The following PTPRT variants were observed in gnomAD, a reference collection of about 807,000 sequenced individuals.
The protein encoded by PTPRT is receptor-type tyrosine-protein phosphatase T.
A neutral mutation model predicts 176.8 loss-of-function variants in PTPRT; 56 were observed. The ratio of observed to expected loss-of-function variants is 0.32; its 90% CI spans 0.26 to 0.40. The LOEUF is 0.40. PTPRT is among the 10% of genes least tolerant of loss of function. The probability of loss-of-function intolerance (pLI) is 1.00; values close to 1 mark genes in which losing one functional copy is unlikely to be tolerated. For missense variants in PTPRT, 1,540 were observed against 1,908.2 expected, an observed-to-expected ratio of 0.81 and a Z score of 3.60; for synonymous variants, 783 against 739.0, an observed-to-expected ratio of 1.06 and a Z score of -0.96.
At chr20:42,970,096 C>A (rs1982535968) in intron 1 of PTPRT, among the ~76,000 whole-genome samples, 1 of 152,146 alleles carries the variant, frequency 6.6e-6, no homozygotes, top group Non-Finnish European at 1.5e-5. Context: ...TTGACAAATG[C>A]CCCTGCTAGC....
At chr20:43,046,232 G>C (rs894788769) in intron 1 of PTPRT, among the ~76,000 whole-genome samples, 3 of 152,032 alleles carry the variant, frequency 2.0e-5, no homozygotes, top group Admixed American at 6.5e-5. Flanking sequence ...GGCACTCAGG[G>C]ACCCAGACTA....
At chr20:42,671,697 T>C (rs898802507) in intron 7 of PTPRT, among the ~76,000 whole-genome samples, 2 of 152,204 alleles carry the variant, frequency 1.3e-5, no homozygotes, top group African/African-American at 4.8e-5. Context: ...TATAGGCAGC[T>C]AAAGAACATT....
intron 1 of PTPRT, among the ~76,000 whole-genome samples, chr20:43,071,083 G>A (rs1211456872): frequency 2.0e-5 from 3 of 152,016 alleles, no homozygotes; most frequent in African/African-American, 7.2e-5. Context: ...CAAAGGCAAG[G>A]CAAGGAGGGA....
intron 6 of PTPRT, among the ~76,000 whole-genome samples, chr20:42,718,952 C>T (rs978681582): frequency 1.3e-5 from 2 of 152,142 alleles, no homozygotes; most frequent in Non-Finnish European, 2.9e-5. Flanking sequence ...GATACATAGT[C>T]AAGAAATATT....
At chr20:42,186,744 G>T (rs976380049) in intron 16 of PTPRT, among the ~76,000 whole-genome samples, 6 of 152,086 alleles carry the variant, frequency 3.9e-5, no homozygotes, top group Non-Finnish European at 8.8e-5. Context: ...ATAGACTACA[G>T]AATGACACGG....
At chr20:42,626,689 C>T (rs1425827359) in intron 7 of PTPRT, among the ~76,000 whole-genome samples, 1 of 152,022 alleles carries the variant, frequency 6.6e-6, no homozygotes, top group African/African-American at 2.4e-5. Context: ...GAGAAACGGG[C>T]CCCCTGGGAG....
intron 2 of PTPRT, among the ~76,000 whole-genome samples, chr20:42,864,924 G>A (rs191888586): frequency 3.3e-5 from 5 of 152,310 alleles, no homozygotes; most frequent in Admixed American, 3.3e-4. Flanking sequence ...CAATCAGCAT[G>A]GAGTGTTAAA....
intron 4 of PTPRT, among the ~76,000 whole-genome samples, chr20:42,779,711 A>C (rs1423275588): frequency 6.6e-6 from 1 of 152,190 alleles, no homozygotes; most frequent in African/African-American, 2.4e-5. Context: ...ATAAGTACTA[A>C]CCACTATGAG....
intron 7 of PTPRT, among the ~76,000 whole-genome samples, chr20:42,667,457 T>A (rs2075335953): frequency 6.6e-6 from 1 of 152,234 alleles, no homozygotes; most frequent in Non-Finnish European, 1.5e-5. Flanking sequence ...TCATACACTT[T>A]CTTTACATTG....
chr20:42,149,095 G>T (rs1989008678), intron 17 of PTPRT, among the ~76,000 whole-genome samples: 1 of 152,174 alleles, frequency 6.6e-6, no homozygotes, highest in Non-Finnish European at 1.5e-5. Context: ...AACCCAACTT[G>T]TTCACCTCCA....
At chr20:42,087,764 T>G (rs1984135572) in intron 27 of PTPRT, among the ~76,000 whole-genome samples, 1 of 149,028 alleles carries the variant, frequency 6.7e-6, no homozygotes, top group Non-Finnish European at 1.5e-5. Context: ...TCCCAGCTAC[T>G]CAGGAGGCTG....
At chr20:43,051,960 A>G (rs944866018) in intron 1 of PTPRT, among the ~76,000 whole-genome samples, 1 of 152,254 alleles carries the variant, frequency 6.6e-6, no homozygotes, top group Non-Finnish European at 1.5e-5. Flanking sequence ...CTAAACTTTT[A>G]AAGGTAATTT....
At chr20:42,730,228 G>T (rs558622464) in intron 6 of PTPRT, among the ~76,000 whole-genome samples, 3 of 152,286 alleles carry the variant, frequency 2.0e-5, no homozygotes, top group African/African-American at 7.2e-5. Context: ...ATTTCTCCAG[G>T]AGGGTGCTCT....
chr20:42,349,986 T>TA (rs767611509), intron 11 of PTPRT, among the ~76,000 whole-genome samples: 1 of 152,184 alleles, frequency 6.6e-6, no homozygotes, highest in African/African-American at 2.4e-5. Context: ...CCTACAGCCT[T>TA]AAACTGGACC....
chr20:43,174,359 A>C (rs993304799), intron 1 of PTPRT, among the ~76,000 whole-genome samples: 1 of 152,236 alleles, frequency 6.6e-6, no homozygotes, highest in African/African-American at 2.4e-5. Context: ...AGTGATAATT[A>C]GTAAAACCCT....
At chr20:42,613,659 T>C (rs1299364969) in intron 7 of PTPRT, among the ~76,000 whole-genome samples, 2 of 152,200 alleles carry the variant, frequency 1.3e-5, no homozygotes, top group Admixed American at 6.5e-5. Context: ...TACAGGGAAA[T>C]CCTGAATAGG....
chr20:42,993,466 A>T (rs986947769), intron 1 of PTPRT, among the ~76,000 whole-genome samples: 1 of 99,166 alleles, frequency 1.0e-5, no homozygotes, highest in South Asian at 2.8e-4. Context: ...ATGTGTGTGT[A>T]TATATATACA....
intron 11 of PTPRT, among the ~76,000 whole-genome samples, chr20:42,334,803 T>C (rs1361016812): frequency 6.6e-6 from 1 of 152,230 alleles, no homozygotes; most frequent in African/African-American, 2.4e-5. Context: ...AAGAACTGAA[T>C]ACGATAATAA....
At chr20:42,436,584 T>A (rs1050266003) in intron 9 of PTPRT, among the ~76,000 whole-genome samples, 2 of 152,226 alleles carry the variant, frequency 1.3e-5, no homozygotes, top group African/African-American at 4.8e-5. Flanking sequence ...TTTGCTGGCA[T>A]GAGTGTAAAT....
Sources: allele counts gnomAD v4.1 joint callset (sites outside exome capture counted in the v4.1 genomes callset), GRCh38; gene constraint gnomAD v4.1.1; transcripts MANE v1.5; gene names NCBI Gene and HGNC (gene_info 2026-07-23, HGNC 2026-07-21).